The following FOXP2 variants were observed in gnomAD, a reference collection of about 807,000 sequenced individuals.
FOXP2 encodes the protein forkhead box P2.
FOXP2 carries 12 observed loss-of-function variants against 115.8 expected under a neutral mutation model. The observed-to-expected ratio is 0.10, with a 90% CI of 0.07 to 0.17. The LOEUF (loss-of-function observed/expected upper bound fraction) is 0.17. Ranked by LOEUF, FOXP2 falls within the 10% of genes least tolerant of loss-of-function variation. The pLI is 1.00. For missense variants in FOXP2, 629 were observed against 843.5 expected (o/e 0.75, Z 3.15); for synonymous variants, 328 against 297.7 (o/e 1.10, Z -1.05).
At chr7:114,483,388 G>T (rs572371788) in intron 2 of FOXP2, among the ~76,000 whole-genome samples, 2 of 151,382 alleles carry the variant, frequency 1.3e-5, no homozygotes. Context: ...TAAATACCTT[G>T]CTCAAAATCT....
intron 1 of FOXP2, among the ~76,000 whole-genome samples, chr7:114,420,332 A>T (rs1047629305): frequency 2.0e-5 from 3 of 151,894 alleles, no homozygotes; most frequent in African/African-American, 7.2e-5. Context: ...CTTTTTAAAT[A>T]AAAAAGAGGG....
intron 1 of FOXP2, among the ~76,000 whole-genome samples, chr7:114,197,579 G>A (rs1029862235): frequency 6.6e-6 from 1 of 152,118 alleles, no homozygotes; most frequent in Non-Finnish European, 1.5e-5. Context: ...TTCAACTTGC[G>A]ACTTTTGAGG....
chr7:114,276,262 A>G (rs1796185235), intron 1 of FOXP2, among the ~76,000 whole-genome samples: 1 of 151,840 alleles, frequency 6.6e-6, no homozygotes, highest in Admixed American at 6.6e-5. Flanking sequence ...GGTTCAAGGG[A>G]TTCTACTGCC....
intron 1 of FOXP2, among the ~76,000 whole-genome samples, chr7:114,102,696 CCACACA>C (rs10624558): frequency 7.9e-4 from 108 of 136,468 alleles, no homozygotes; most frequent in East Asian, 1.9e-3. Context: ...ACACCACACA[CCACACA>C]CACACACACA....
At chr7:114,220,977 C>T (rs918006435) in intron 1 of FOXP2, among the ~76,000 whole-genome samples, 1 of 152,054 alleles carries the variant, frequency 6.6e-6, no homozygotes, top group African/African-American at 2.4e-5. Flanking sequence ...GAAGTAGTAG[C>T]ATAATAGTAT....
At chr7:114,609,321 A>C (rs1359925239) in intron 3 of FOXP2, among the ~76,000 whole-genome samples, 1 of 152,122 alleles carries the variant, frequency 6.6e-6, no homozygotes, top group Non-Finnish European at 1.5e-5. Flanking sequence ...TTGTGCAAAG[A>C]ATCTTAATGA....
intron 3 of FOXP2, chr7:114,570,914 A>G (rs1801268281): frequency 1.3e-6 from 2 of 1,588,818 alleles, no homozygotes; most frequent in Admixed American, 1.7e-5. Flanking sequence ...AAATTCAGCT[A>G]CTAGGCACAA....
chr7:114,267,601 C>T (rs1795924226), intron 1 of FOXP2, among the ~76,000 whole-genome samples: 1 of 151,648 alleles, frequency 6.6e-6, no homozygotes, highest in Admixed American at 6.6e-5. Flanking sequence ...GTGGTGGGTG[C>T]CTGTAGTCCC....
chr7:114,457,852 C>T (rs900242190), intron 2 of FOXP2, among the ~76,000 whole-genome samples: 5 of 148,870 alleles, frequency 3.4e-5, no homozygotes, highest in South Asian at 2.1e-4. Flanking sequence ...GAGCCGAGAT[C>T]GTGCCACTGT....
At chr7:114,685,306 T>G (rs1165600383) in intron 16 of FOXP2, among the ~76,000 whole-genome samples, 2 of 152,188 alleles carry the variant, frequency 1.3e-5, no homozygotes, top group Non-Finnish European at 2.9e-5. Context: ...AGTAATTCTT[T>G]AATACATAGT....
chr7:114,152,526 A>G (rs546693867), intron 1 of FOXP2, among the ~76,000 whole-genome samples: 7 of 152,310 alleles, frequency 4.6e-5, no homozygotes, highest in South Asian at 2.1e-4. Flanking sequence ...CTGCTTTTGC[A>G]TATGCAAATC....
chr7:114,121,141 G>A (rs1226537042), intron 1 of FOXP2, among the ~76,000 whole-genome samples: 1 of 152,068 alleles, frequency 6.6e-6, no homozygotes, highest in Non-Finnish European at 1.5e-5. Flanking sequence ...TGAGGAGATA[G>A]GGTCTTTGGG....
chr7:114,435,117 T>C (rs2129209173), intron 2 of FOXP2, among the ~76,000 whole-genome samples: 1 of 152,288 alleles, frequency 6.6e-6, no homozygotes, highest in East Asian at 1.9e-4. Flanking sequence ...TTCATTAGGT[T>C]CAACAACTAT....
chr7:114,581,258 A>G (rs1029822920), intron 3 of FOXP2, among the ~76,000 whole-genome samples: 1 of 151,604 alleles, frequency 6.6e-6, no homozygotes, highest in Admixed American at 6.6e-5. Context: ...GTCTCTGCTC[A>G]CTGCAACCTC....
intron 1 of FOXP2, among the ~76,000 whole-genome samples, chr7:114,273,926 T>C (rs900906502): frequency 1.3e-4 from 20 of 152,106 alleles, no homozygotes; most frequent in East Asian, 5.8e-4. Context: ...ATTTAGACCA[T>C]TGATATTCTG....
chr7:114,399,942 C>CA (rs1792842608), intron 2 of FOXP2, among the ~76,000 whole-genome samples: 1 of 114,786 alleles, frequency 8.7e-6, no homozygotes, highest in South Asian at 2.4e-4. Flanking sequence ...CTGCAACCTC[C>CA]GCCCCCCGAG....
At chr7:114,486,858 G>A (rs2129240923) in intron 2 of FOXP2, among the ~76,000 whole-genome samples, 1 of 152,166 alleles carries the variant, frequency 6.6e-6, no homozygotes, top group Admixed American at 6.5e-5. Context: ...CATAGCCTTG[G>A]GCAGCTCCAC....
intron 2 of FOXP2, among the ~76,000 whole-genome samples, chr7:114,516,085 A>G (rs1226613814): frequency 6.6e-6 from 1 of 152,196 alleles, no homozygotes; most frequent in Non-Finnish European, 1.5e-5. Context: ...AAACCAAAAA[A>G]GAGCCCGCAT....
chr7:114,200,563 A>C (rs1401838404), intron 1 of FOXP2, among the ~76,000 whole-genome samples: 1 of 152,146 alleles, frequency 6.6e-6, no homozygotes, highest in Admixed American at 6.5e-5. Context: ...TTTCTATAAA[A>C]CCTAGTTGTG....
Sources: allele counts gnomAD v4.1 joint callset (sites outside exome capture counted in the v4.1 genomes callset), GRCh38; gene constraint gnomAD v4.1.1; transcripts MANE v1.5; gene names NCBI Gene and HGNC (gene_info 2026-07-23, HGNC 2026-07-21).